Variants in ZNF609 observed in about 807,000 individuals in gnomAD.
ZNF609 encodes the protein zinc finger protein 609.
Under a neutral mutation model 109.5 loss-of-function variants are expected in ZNF609, and 11 were observed. The ratio of observed to expected loss-of-function variants is 0.10; its 90% CI spans 0.06 to 0.17. The LOEUF (loss-of-function observed/expected upper bound fraction) is 0.17, where lower values mean the gene tolerates loss of function less well. Among genes scored for constraint, ZNF609 ranks in the 10% least tolerant of loss-of-function variants. ZNF609 has a pLI of 1.00. For synonymous variants in ZNF609, 646 were observed against 662.0 expected (o/e 0.98, Z 0.37); for missense variants, 1,559 against 1,772.4 (o/e 0.88, Z 2.16).
In ZNF609 at chr15:64,683,947, T is replaced by G. The variant is rs1316805635; in HGVS notation, c.*2261T>G. The G allele has an allele frequency of 6.6e-6, 1 of 151,964 alleles. No individual in the cohort carries two copies. Among genetic ancestry groups the G allele is most frequent in the Non-Finnish European group, 1.5e-5 (1 of 68,004 alleles). 9.4% of individuals were successfully genotyped at this position (151,964 alleles called of 1,614,324 possible). A position where few individuals can be genotyped will look rare whatever the true frequency, so the allele number is the denominator to read the frequency against. On this transcript the variant is annotated 3_prime_UTR_variant, in exon 10 of 10. Transcript: ENST00000326648. Reference sequence around the variant, plus strand: ...TCTGTATTAGCTGGGCAGCCTTGGGTTCTCCAGAAGAGAACAGGTTTTTCT... The same window carrying G: ...TCTGTATTAGCTGGGCAGCCTTGGGGTCTCCAGAAGAGAACAGGTTTTTCT...
chr15:64,564,852 T>C (rs531665925), intron 2 of ZNF609, among the ~76,000 whole-genome samples: 2 of 152,036 alleles, frequency 1.3e-5, no homozygotes, highest in East Asian at 3.9e-4. Flanking sequence ...TGTTTTTTTT[T>C]TTTTTTCTTT....
In ZNF609 at chr15:64,615,713, G is replaced by A. The variant is rs1222373651; in HGVS notation, c.748-7114G>A. Among the ~76,000 whole-genome samples, 4 of 151,762 alleles carry A rather than the reference G, an allele frequency of 2.6e-5. No homozygotes were observed. The South Asian group carries it at 6.2e-4, about 24-fold the overall frequency. On this transcript the variant is annotated intron_variant, in intron 2 of 9. Transcript: ENST00000326648. ...TGTTGGTCAGGCTGGTCTTGAACTC[G>A]TGACATCAGGTGATCCACCTGCCTC...
intron 2 of ZNF609, among the ~76,000 whole-genome samples, chr15:64,525,111 C>A (rs1893951970): frequency 6.6e-6 from 1 of 152,112 alleles, no homozygotes. Flanking sequence ...GCTTGTATAT[C>A]TTCTTTGAAG....
At chr15:64,582,945 GT>G (rs1456322434) in intron 2 of ZNF609, among the ~76,000 whole-genome samples, 2 of 150,764 alleles carry the variant, frequency 1.3e-5, no homozygotes, top group African/African-American at 4.9e-5. Flanking sequence ...TAGAGACGGG[GT>G]TTCACCGTGT....
At chr15:64,590,168 A>T (rs1052582477) in intron 2 of ZNF609, among the ~76,000 whole-genome samples, 10 of 152,148 alleles carry the variant, frequency 6.6e-5, no homozygotes, top group Admixed American at 6.6e-4. Flanking sequence ...TAGGAAATCT[A>T]GCCTTTTATT....
chr15:64,550,586 C>T (rs1481075428), intron 2 of ZNF609, among the ~76,000 whole-genome samples: 1 of 151,856 alleles, frequency 6.6e-6, no homozygotes, highest in African/African-American at 2.4e-5. Flanking sequence ...GTGACTCATG[C>T]CTGTAATCCC....
intron 9 of ZNF609, 112 bp downstream of exon 9, chr15:64,681,499 A>G (rs1411975787): frequency 1.1e-6 from 1 of 886,804 alleles, no homozygotes; most frequent in African/African-American, 1.7e-5. Context: ...TCTGGAATCC[A>G]TGGAACCCTG....
intron 3 of ZNF609, among the ~76,000 whole-genome samples, chr15:64,664,137 A>AGT (rs1459616431): frequency 2.0e-5 from 3 of 152,070 alleles, no homozygotes; most frequent in African/African-American, 7.2e-5. Context: ...CTGAGGCAGG[A>AGT]GTATTGCTTG....
Position 64,675,118 on chromosome 15 carries a change from A to G in ZNF609, c.2264A>G (p.Glu755Gly). 6.2e-7 allele frequency: 1 copy of G among 1,614,148 alleles called. No individual in the cohort carries two copies. Residue 755 changes from glutamate (E) to glycine (G), a missense_variant, in exon 5 of 10, where the codon GAA becomes GGA. Glu to Gly is a moderately conservative substitution (Grantham distance 98, BLOSUM62 -2). This residue lies in a region of ZNF609 where 1,204 missense variants were observed against 1,314.1 expected (regional missense o/e 0.92). Coordinates refer to ENST00000326648, the MANE Select transcript of ZNF609 (RefSeq NM_015042.2). Reference sequence around the variant, plus strand: ...CCTGGGAAGGTGTGTCGAGCAGAGGAAGGCAAAAGCCCATTCAGGGAATCT... The same window carrying G: ...CCTGGGAAGGTGTGTCGAGCAGAGGGAGGCAAAAGCCCATTCAGGGAATCT... ...LTPGKVCRAE[E>G]GKSPFRESSG...
Position 64,468,984 on chromosome 15 carries a change from C to T in ZNF609, c.-128+8146C>T, listed in dbSNP as rs181997005. On this transcript the variant is annotated intron_variant, in intron 1 of 9. Transcript: ENST00000326648. The stretch of plus-strand genomic sequence containing the variant: ...TTGGGAGGCTGAGGCAGGAGGATCA[C>T]TTGAGCCCAGGAGTTGGAGACCAGC... Among the ~76,000 whole-genome samples, 39 of 135,386 alleles carry T rather than the reference C, an allele frequency of 2.9e-4. No homozygotes were observed. The Admixed American group carries it at 3.0e-3, about 10-fold the overall frequency. The allele number at this position is 135,386 out of a possible 152,430, so 88.8% of individuals were successfully genotyped here. A position where few individuals can be genotyped will look rare whatever the true frequency, so the allele number is the denominator to read the frequency against.
chr15:64,669,696 C>T (rs1896698380), intron 3 of ZNF609, among the ~76,000 whole-genome samples: 1 of 151,870 alleles, frequency 6.6e-6, no homozygotes. Flanking sequence ...GAGACGGAGT[C>T]TCACTCTGTC....
intron 1 of ZNF609, among the ~76,000 whole-genome samples, chr15:64,467,438 T>C (rs1282329963): frequency 6.6e-6 from 1 of 152,256 alleles, no homozygotes; most frequent in Non-Finnish European, 1.5e-5. Context: ...GCCAGAAGTA[T>C]CACTTTTCTG....
At chr15:64,586,106 C>T (rs967238835) in intron 2 of ZNF609, among the ~76,000 whole-genome samples, 2 of 152,082 alleles carry the variant, frequency 1.3e-5, no homozygotes, top group African/African-American at 2.4e-5. Flanking sequence ...GGGCGGATCA[C>T]CTGAGGTCAG....
chr15:64,623,316 A>C (rs1437530767), intron 3 of ZNF609, among the ~76,000 whole-genome samples: 1 of 152,202 alleles, frequency 6.6e-6, no homozygotes. Flanking sequence ...AGGTAATTCA[A>C]ACTGTATCTG....
chr15:64,474,023 T>A (rs904440709), intron 1 of ZNF609, among the ~76,000 whole-genome samples: 1 of 151,996 alleles, frequency 6.6e-6, no homozygotes, highest in Non-Finnish European at 1.5e-5. Context: ...TCCACCTGCC[T>A]CGGCCTCCCA....
In ZNF609 at chr15:64,676,126, G is replaced by C. The variant is rs1208504155; in HGVS notation, c.3272G>C (p.Gly1091Ala). 1 of 1,614,102 alleles carries C rather than the reference G, an allele frequency of 6.2e-7. No homozygotes were observed. Among genetic ancestry groups the C allele is most frequent in the East Asian group, 2.2e-5 (1 of 44,886 alleles). Residue 1091 changes from glycine to alanine, a missense_variant, in exon 5 of 10, where the codon GGC becomes GCC. Around this residue, in one of 4 missense-constraint regions of ZNF609, gnomAD observed 1,204 missense variants for 1,314.1 expected, o/e 0.92. Transcript: ENST00000326648. ...TTAGATGACTCTTCAAAACTCCCGG[G>C]CCAGGCCCCTGAAGGCCTTAAAGTG... is the stretch of plus-strand genomic sequence containing the variant. ...PKLDDSSKLP[G>A]QAPEGLKVKL...
intron 1 of ZNF609, among the ~76,000 whole-genome samples, chr15:64,478,782 T>C (rs1200198084): frequency 1.3e-5 from 2 of 152,222 alleles, no homozygotes; most frequent in East Asian, 3.8e-4. Context: ...GCAGATTTTA[T>C]ATTACCTTTC....
chr15:64,532,434 T>G (rs1206534390), intron 2 of ZNF609, among the ~76,000 whole-genome samples: 1 of 152,212 alleles, frequency 6.6e-6, no homozygotes, highest in Non-Finnish European at 1.5e-5. Context: ...TAATAGTACC[T>G]GGCCCAATAA....
rs1347441695 is a variant in ZNF609, at chr15:64,588,321, T to G, written c.748-34506T>G. 5.4e-5 allele frequency among the ~76,000 whole-genome samples: 8 copies of G among 146,958 alleles called. No individual in the cohort carries two copies. In the East Asian group the frequency reaches 1.5e-3, roughly 27 times the overall value. On this transcript the variant is annotated intron_variant, in intron 2 of 9. Transcript: ENST00000326648. ...GCGGGCACCTGTAGTCCCAGCTACT[T>G]GGAGGCTGAGGCAGGAGAATGGCAT...
Sources: gnomAD v4.1 joint callset for allele counts (sites outside exome capture counted in the v4.1 genomes callset) on GRCh38, gnomAD v4.1.1 for gene constraint, gnomAD v4.1.1 regional missense constraint, MANE v1.5 for transcripts, NCBI Gene and HGNC (gene_info 2026-07-23, HGNC 2026-07-21) for gene names.